Variants in SPEF2 observed in about 807,000 individuals in gnomAD.
SPEF2 encodes the protein sperm flagellar and cilia associated 2.
In SPEF2, 187 loss-of-function variants were observed where a neutral mutation model predicts 224.6. That is an observed-to-expected ratio of 0.83 (90% CI 0.74 to 0.94). SPEF2 has a LOEUF of 0.94. Ranked by LOEUF, SPEF2 falls within the 40% of genes least tolerant of loss-of-function variation. The pLI, the probability that SPEF2 is intolerant of heterozygous loss-of-function variation, is 0.00. For synonymous variants in SPEF2, 715 were observed against 707.3 expected (o/e 1.01, Z -0.17); for missense variants, 2,170 against 2,135.6 (o/e 1.02, Z -0.32).
At chr5:35,630,177 T>A (rs1744884732) in intron 2 of SPEF2, among the ~76,000 whole-genome samples, 1 of 152,164 alleles carries the variant, frequency 6.6e-6, no homozygotes, top group Non-Finnish European at 1.5e-5. Context: ...CTGGCTGCAT[T>A]CACAGGCTGG....
chr5:35,725,618 T>A (rs996654662), intron 20 of SPEF2, among the ~76,000 whole-genome samples: 1 of 152,176 alleles, frequency 6.6e-6, no homozygotes, highest in African/African-American at 2.4e-5. Context: ...TTCTTAGTTG[T>A]AAATTTTGGT....
intron 10 of SPEF2, among the ~76,000 whole-genome samples, chr5:35,674,383 T>A (rs1751601368): frequency 6.7e-6 from 1 of 149,032 alleles, no homozygotes; most frequent in South Asian, 2.1e-4. Context: ...TTTTTATTAT[T>A]ATTATTATTA....
At chr5:35,752,160 G>A (rs974723810) in intron 23 of SPEF2, among the ~76,000 whole-genome samples, 5 of 152,012 alleles carry the variant, frequency 3.3e-5, no homozygotes, top group Non-Finnish European at 7.4e-5. Context: ...CTTGCCCACC[G>A]CTCACCTCCT....
chr5:35,661,299 T>TA (rs1749705984), intron 8 of SPEF2, among the ~76,000 whole-genome samples: 29 of 109,608 alleles, frequency 2.6e-4, no homozygotes, highest in African/African-American at 5.6e-4. Context: ...TATATATATA[T>TA]TATACACACA....
chr5:35,703,148 C>A (rs201284214), intron 16 of SPEF2, among the ~76,000 whole-genome samples: 4 of 126,938 alleles, frequency 3.2e-5, no homozygotes, highest in South Asian at 4.9e-4. Context: ...AAGGGTCTCT[C>A]TATATATATA....
At chr5:35,756,919 C>T (rs1750527555) in intron 24 of SPEF2, among the ~76,000 whole-genome samples, 1 of 151,928 alleles carries the variant, frequency 6.6e-6, no homozygotes, top group African/African-American at 2.4e-5. Flanking sequence ...TTGTTTCTTC[C>T]CCAACAAGGT....
intron 24 of SPEF2, among the ~76,000 whole-genome samples, chr5:35,755,950 T>C (rs1750379674): frequency 2.0e-5 from 3 of 152,136 alleles, no homozygotes; most frequent in Non-Finnish European, 4.4e-5. Flanking sequence ...AATGAGGAAA[T>C]TGAGACAAAC....
intron 34 of SPEF2, 24 bp downstream of exon 34, chr5:35,800,171 T>C (rs1757235788): frequency 1.2e-6 from 2 of 1,613,112 alleles, no homozygotes; most frequent in South Asian, 1.1e-5. Flanking sequence ...AGAAATAGAC[T>C]AACTATAGAG....
chr5:35,728,960 A>C (rs1479093572), intron 21 of SPEF2, among the ~76,000 whole-genome samples: 1 of 152,118 alleles, frequency 6.6e-6, no homozygotes, highest in Non-Finnish European at 1.5e-5. Flanking sequence ...AAAATGATAC[A>C]ATATGGTAAG....
At position 35,793,217 on chromosome 5, in the gene SPEF2, T is replaced by C. The variant is rs1756198986; in HGVS notation, c.4613T>C (p.Phe1538Ser). The C allele has an allele frequency of 6.2e-7, 1 of 1,614,060 alleles. No homozygotes were observed. Among genetic ancestry groups the C allele is most frequent in the Non-Finnish European group, 8.5e-7 (1 of 1,180,038 alleles). ...VNSEFVDWRK[F>S]LLVTSMPWPI... ...TCCGAGTTCGTGGACTGGCGGAAGTTCCTGTTAGTAACCTCAATGCCTTGG... is the reference window on the plus strand; with the variant it reads ...TCCGAGTTCGTGGACTGGCGGAAGTCCCTGTTAGTAACCTCAATGCCTTGG... The change falls in exon 32 of 37, where the codon TTC becomes TCC. Residue 1538 changes from phenylalanine (F) to serine (S), a missense_variant. Phe to Ser is a radical substitution (Grantham distance 155, BLOSUM62 -2). Transcript: ENST00000356031.
rs1753990438 is a variant in SPEF2 at position 35,779,200 on chromosome 5, A to C, written c.4301A>C (p.Asp1434Ala). ...AATGAACTTTATTTAAGCCAAGAAG[A>C]CTTCTTCATTAATGGCAATATAAAA... Reference protein sequence around the residue: ...IQNELYLSQEDFFINGNIKVF... With the variant: ...IQNELYLSQEAFFINGNIKVF... Residue 1434 changes from aspartate to alanine, a missense_variant, in exon 30 of 37, where the codon GAC becomes GCC. Asp to Ala is a moderately radical substitution (Grantham distance 126). Transcript: ENST00000356031. The C allele has an allele frequency of 3.1e-6, 5 of 1,613,890 alleles. No homozygotes were observed. The East Asian group carries it at 1.1e-4, about 36-fold the overall frequency.
intron 32 of SPEF2, among the ~76,000 whole-genome samples, 186 bp downstream of exon 32, chr5:35,793,527 CAGG>C (rs1307551637): frequency 6.6e-6 from 1 of 152,178 alleles, no homozygotes; most frequent in East Asian, 1.9e-4. Flanking sequence ...CTTCCATCCC[CAGG>C]GAAAAGATCT....
intron 26 of SPEF2, among the ~76,000 whole-genome samples, chr5:35,768,523 T>C (rs556464691): frequency 6.6e-6 from 1 of 152,270 alleles, no homozygotes; most frequent in South Asian, 2.1e-4. Flanking sequence ...ATATCTATAA[T>C]ATTGGAGATA....
chr5:35,679,113 C>T (rs1211350997), intron 10 of SPEF2, among the ~76,000 whole-genome samples: 2 of 152,122 alleles, frequency 1.3e-5, no homozygotes, highest in African/African-American at 4.8e-5. Flanking sequence ...TTCTGAGTGC[C>T]ATATTACCCA....
chr5:35,736,106 G>A (rs984929014), intron 21 of SPEF2, among the ~76,000 whole-genome samples: 5 of 152,180 alleles, frequency 3.3e-5, no homozygotes, highest in Non-Finnish European at 7.3e-5. Context: ...TCAAGATTAA[G>A]ACACCTTTGT....
intron 26 of SPEF2, among the ~76,000 whole-genome samples, chr5:35,767,070 A>G (rs1036857701): frequency 4.0e-5 from 6 of 151,572 alleles, no homozygotes; most frequent in African/African-American, 1.5e-4. Flanking sequence ...TTATTTTACT[A>G]TGTATTTTAA....
intron 2 of SPEF2, among the ~76,000 whole-genome samples, chr5:35,631,235 C>T (rs1447616948): frequency 3.3e-5 from 5 of 152,156 alleles, no homozygotes; most frequent in African/African-American, 9.7e-5. Flanking sequence ...CCTTGTGAGA[C>T]CCATTCACTA....
intron 9 of SPEF2, among the ~76,000 whole-genome samples, chr5:35,667,835 T>C (rs1159913425): frequency 6.6e-6 from 1 of 152,002 alleles, no homozygotes; most frequent in Admixed American, 6.6e-5. Context: ...AATAAGCCAG[T>C]TCAAAAATAG....
intron 19 of SPEF2, among the ~76,000 whole-genome samples, chr5:35,711,165 T>C (rs556771292): frequency 6.6e-6 from 1 of 152,164 alleles, no homozygotes; most frequent in Non-Finnish European, 1.5e-5. Context: ...AAACATCTAA[T>C]TACAATCTTC....
Sources: gnomAD v4.1 joint callset for allele counts (sites outside exome capture counted in the v4.1 genomes callset) on GRCh38, gnomAD v4.1.1 for gene constraint, MANE v1.5 for transcripts, NCBI Gene and HGNC (gene_info 2026-07-23, HGNC 2026-07-21) for gene names.